ZBTB7C: variants seen among roughly 807,000 people sequenced by gnomAD.
ZBTB7C encodes zinc finger and BTB domain containing 7C, also known as zinc finger and BTB domain-containing protein 7C.
Under a neutral mutation model 25.7 loss-of-function variants are expected in ZBTB7C, and 8 were observed. The observed-to-expected ratio is 0.31, with a 90% CI of 0.18 to 0.56. The LOEUF is 0.56. Among genes scored for constraint, ZBTB7C ranks in the 20% least tolerant of loss-of-function variants. The probability of loss-of-function intolerance (pLI) is 0.91; values close to 1 mark genes in which losing one functional copy is unlikely to be tolerated. For missense variants in ZBTB7C, 824 were observed against 855.2 expected (o/e 0.96, Z 0.46); for synonymous variants, 394 against 369.0 (o/e 1.07, Z -0.78).
intron 2 of ZBTB7C, among the ~76,000 whole-genome samples, chr18:48,286,808 T>G (rs1222475247): frequency 6.6e-6 from 1 of 151,926 alleles, no homozygotes; most frequent in African/African-American, 2.4e-5. Context: ...TCCCAGTACT[T>G]TGGGAGGCTA....
rs1419158359 is a variant in ZBTB7C at position 48,157,106 on chromosome 18, C to G, written c.-17+28828G>C. On this transcript the variant is annotated intron_variant, in intron 3 of 4. Transcript: ENST00000590800. ...GGTAGAGCCACCAACTCTGGTCAAG[C>G]AGGGTTCTCTGGGTGACCTTAGACA... Among the ~76,000 whole-genome samples, 5 of 152,346 alleles carry G rather than the reference C, an allele frequency of 3.3e-5. No homozygotes were observed. The East Asian group carries it at 9.6e-4, about 29-fold the overall frequency.
intron 1 of ZBTB7C, among the ~76,000 whole-genome samples, chr18:48,348,789 C>T (rs901689425): frequency 6.6e-6 from 1 of 152,240 alleles, no homozygotes; most frequent in Non-Finnish European, 1.5e-5. Flanking sequence ...TGCACTCCAG[C>T]CTGGGTGACA....
chr18:48,115,618 C>T (rs2039410495), intron 3 of ZBTB7C, among the ~76,000 whole-genome samples: 1 of 152,140 alleles, frequency 6.6e-6, no homozygotes, highest in Non-Finnish European at 1.5e-5. Flanking sequence ...CTGTTACTGG[C>T]CACTTGAGTT....
intron 3 of ZBTB7C, among the ~76,000 whole-genome samples, chr18:48,041,707 T>A (rs112139658): frequency 1.1e-3 from 165 of 152,056 alleles, no homozygotes; most frequent in African/African-American, 3.9e-3. Context: ...TTCATTGCAG[T>A]TGAAGTTTCC....
chr18:48,312,302 G>A (rs1443907496), intron 2 of ZBTB7C, among the ~76,000 whole-genome samples: 2 of 152,142 alleles, frequency 1.3e-5, no homozygotes. Flanking sequence ...TGCCTGCTCA[G>A]CCCTACCTAC....
At chr18:48,256,130 TA>T (rs200915993) in intron 2 of ZBTB7C, among the ~76,000 whole-genome samples, 2 of 151,794 alleles carry the variant, frequency 1.3e-5, no homozygotes, top group Admixed American at 6.6e-5. Context: ...ACTTTATTTT[TA>T]AAAAAAACTA....
chr18:48,367,198 T>C lies in ZBTB7C; in HGVS notation c.-303-28800A>G, dbSNP rs1324973477. Among the ~76,000 whole-genome samples, 8 of 60,966 alleles carry C rather than the reference T, an allele frequency of 1.3e-4. 1 individual carries two copies. The highest frequency in any genetic ancestry group is 8.8e-4 in the East Asian group (2 of 2,276). 40.0% of individuals were successfully genotyped at this position (60,966 alleles called of 152,430 possible). The stretch of plus-strand genomic sequence containing the variant: ...TTTTATATATATATATATATATATA[T>C]ATATACACACACACACACACACACA... On this transcript the variant is annotated intron_variant, in intron 1 of 4. Transcript: ENST00000590800.
chr18:48,057,050 C>CA (rs11380205), intron 3 of ZBTB7C, among the ~76,000 whole-genome samples: 8,078 of 64,194 alleles, frequency 0.13, 394 homozygotes, highest in Middle Eastern at 0.14. Context: ...GAAAAATTGT[C>CA]AAAAAAAAAA....
chr18:48,302,783 C>G (rs933178607), intron 2 of ZBTB7C, among the ~76,000 whole-genome samples: 1 of 152,164 alleles, frequency 6.6e-6, no homozygotes, highest in African/African-American at 2.4e-5. Flanking sequence ...CTAAGCAAGT[C>G]CTGGGAAAAC....
rs770602536 is a variant in ZBTB7C, at chr18:48,040,703, C to T, written c.405G>A (p.Glu135=). 1.9e-6 allele frequency: 3 copies of T among 1,613,904 alleles called. No individual in the cohort carries two copies. The highest frequency in any genetic ancestry group is 2.7e-5 in the African/African-American group (2 of 75,000). Reference sequence around the variant, plus strand: ...CGTCATCGTCCTCCTTGTCATCCTCCTCCCCCCCGTCCCCCCCAGGCTCCA... The same window carrying T: ...CGTCATCGTCCTCCTTGTCATCCTCTTCCCCCCCGTCCCCCCCAGGCTCCA... ...EIMEPGGDGG[E]EDDKEDDDDD... Residue 135 remains glutamate (E), a synonymous_variant, in exon 4 of 5, where the codon GAG becomes GAA. Transcript: ENST00000590800.
intron 1 of ZBTB7C, among the ~76,000 whole-genome samples, chr18:48,350,295 G>T (rs981983103): frequency 6.6e-6 from 1 of 152,168 alleles, no homozygotes; most frequent in Non-Finnish European, 1.5e-5. Context: ...CAAGCCTCCA[G>T]GGGCTGCCTG....
chr18:48,326,723 G>A (rs2046229448), intron 2 of ZBTB7C, among the ~76,000 whole-genome samples: 1 of 152,080 alleles, frequency 6.6e-6, no homozygotes, highest in Admixed American at 6.6e-5. Flanking sequence ...TGTTTTATAG[G>A]GTAAAATGGA....
At chr18:48,282,780 GT>G (rs1373835049) in intron 2 of ZBTB7C, among the ~76,000 whole-genome samples, 1 of 152,224 alleles carries the variant, frequency 6.6e-6, no homozygotes, top group Non-Finnish European at 1.5e-5. Context: ...TTTATGTAAA[GT>G]TAATAAAGTT....
chr18:48,221,903 T>A (rs112254053), intron 2 of ZBTB7C, among the ~76,000 whole-genome samples: 1 of 98,432 alleles, frequency 1.0e-5, no homozygotes, highest in Non-Finnish European at 2.3e-5. Context: ...TGTCCTAGTC[T>A]CCCTCTATAC....
At chr18:48,309,246 G>A (rs2045754119) in intron 2 of ZBTB7C, among the ~76,000 whole-genome samples, 1 of 152,204 alleles carries the variant, frequency 6.6e-6, no homozygotes, top group South Asian at 2.1e-4. Flanking sequence ...TTTCCCAAGG[G>A]CTACATCCAG....
Position 48,029,623 on chromosome 18 carries a change from G to A in ZBTB7C, c.1497C>T (p.Ala499=). The stretch of plus-strand genomic sequence containing the variant: ...GCATCACGAAGGCCGCCTTGTCGGG[G>A]GCCGGGCCGCCGGGCCCGAAGAGCA... The part of the protein sequence containing the change: ...ASLLFGPGGP[A]PDKAAFVMPP... Residue 499 remains alanine (A), a synonymous_variant, in exon 5 of 5, where the codon GCC becomes GCT. Coordinates refer to ENST00000590800, the MANE Select transcript of ZBTB7C (RefSeq NM_001318841.2). The A allele has an allele frequency of 6.7e-7, 1 of 1,498,428 alleles. No individual in the cohort carries two copies. Among genetic ancestry groups the A allele is most frequent in the Non-Finnish European group, 8.8e-7 (1 of 1,133,994 alleles). The allele number at this position is 1,498,428 out of a possible 1,614,324, so 92.8% of individuals were successfully genotyped here. A position where few individuals can be genotyped will look rare whatever the true frequency, so the allele number is the denominator to read the frequency against.
rs558091260 is a variant in ZBTB7C at position 48,054,060 on chromosome 18, C to T, written c.-16-12937G>A. 8.5e-5 allele frequency among the ~76,000 whole-genome samples: 13 copies of T among 152,272 alleles called. No homozygotes were observed. In the East Asian group the frequency reaches 1.7e-3, roughly 20 times the overall value. Reference sequence around the variant, plus strand: ...GCTGGGTTCAAAGATTTAAGTTCAACGAATTTAGAGACAGGCTAGTCTGGG... The same window carrying T: ...GCTGGGTTCAAAGATTTAAGTTCAATGAATTTAGAGACAGGCTAGTCTGGG... On this transcript the variant is annotated intron_variant, in intron 3 of 4. Coordinates refer to ENST00000590800, the MANE Select transcript of ZBTB7C (RefSeq NM_001318841.2).
chr18:48,082,958 T>C (rs1245011966), intron 3 of ZBTB7C, among the ~76,000 whole-genome samples: 5 of 152,314 alleles, frequency 3.3e-5, no homozygotes, highest in African/African-American at 1.2e-4. Context: ...TTTGGACAAG[T>C]GGCTTTCCCT....
intron 3 of ZBTB7C, chr18:48,169,812 G>T (rs374524673): frequency 6.6e-6 from 1 of 152,112 alleles, no homozygotes; most frequent in East Asian, 1.9e-4. Flanking sequence ...ACGAATTTGC[G>T]TGTCATCCTT....
Sources: allele counts gnomAD v4.1 joint callset (sites outside exome capture counted in the v4.1 genomes callset), GRCh38; gene constraint gnomAD v4.1.1; transcripts MANE v1.5; gene names NCBI Gene and HGNC (gene_info 2026-07-23, HGNC 2026-07-21).